The following ANOS1 variants were observed in gnomAD, a reference collection of about 807,000 sequenced individuals.
The protein encoded by ANOS1 is anosmin-1.
Under a neutral mutation model 59.0 loss-of-function variants are expected in ANOS1, and 6 were observed. The observed-to-expected ratio is 0.10, with a 90% CI of 0.06 to 0.20. ANOS1 has a LOEUF of 0.20. Among genes scored for constraint, ANOS1 ranks in the 10% least tolerant of loss-of-function variants. The probability of loss-of-function intolerance (pLI) is 1.00; values close to 1 mark genes in which losing one functional copy is unlikely to be tolerated. For missense variants in ANOS1, 433 were observed against 542.3 expected, an observed-to-expected ratio of 0.80 and a Z score of 2.00; for synonymous variants, 217 against 223.4, an observed-to-expected ratio of 0.97 and a Z score of 0.25.
intron 1 of ANOS1, among the ~76,000 whole-genome samples, chrX:8,707,094 T>C: frequency 9.0e-6 from 1 of 111,383 alleles, no homozygotes; most frequent in Non-Finnish European, 1.9e-5. Flanking sequence ...AGTGGACAAG[T>C]GCAAATTATG....
intron 2 of ANOS1, among the ~76,000 whole-genome samples, chrX:8,631,729 G>A (rs1218125497): frequency 9.0e-6 from 1 of 111,599 alleles, no homozygotes; most frequent in Non-Finnish European, 1.9e-5. Flanking sequence ...AGAGACTGTT[G>A]TAGGGGTTAC....
At chrX:8,541,419 C>A (rs190991914) in intron 9 of ANOS1, among the ~76,000 whole-genome samples, 5,010 of 77,576 alleles carry the variant, frequency 0.065, 312 homozygotes, top group African/African-American at 0.2. Context: ...ACCCCCCCCC[C>A]AAAAACAAAA....
At chrX:8,707,562 T>C (rs1442494267) in intron 1 of ANOS1, among the ~76,000 whole-genome samples, 3 of 111,904 alleles carry the variant, frequency 2.7e-5, no homozygotes, top group Non-Finnish European at 3.8e-5. Flanking sequence ...AAAGAAAATA[T>C]ATAGAACAGC....
intron 10 of ANOS1, 143 bp from the exon 11 acceptor site, chrX:8,537,085 A>G (rs1929608202): frequency 1.9e-6 from 1 of 515,027 alleles, no homozygotes; most frequent in African/African-American, 2.3e-5. Context: ...AAAAGTACAA[A>G]GCACATACTG....
Position 8,639,133 on chromosome X carries a change from T to C in ANOS1, c.256-15463A>G, listed in dbSNP as rs2404559. On this transcript the variant is annotated intron_variant, in intron 2 of 13. Transcript: ENST00000262648. ...AATTCTAATGCACCTGAAAATAACT[T>C]ATATAAGAACATCATTTTTATAACA... is the stretch of plus-strand genomic sequence containing the variant. Among the ~76,000 whole-genome samples the C allele has an allele frequency of 2.8e-3, 312 of 111,416 alleles. 1 individual carries two copies. The highest frequency in any genetic ancestry group is 9.6e-3 in the African/African-American group (295 of 30,744).
intron 1 of ANOS1, among the ~76,000 whole-genome samples, chrX:8,704,021 C>T (rs1368948589): frequency 9.1e-5 from 10 of 109,991 alleles, no homozygotes; most frequent in Admixed American, 1.9e-4. Flanking sequence ...ATCATGGGGG[C>T]GGGTTTTTCC....
At chrX:8,725,681 G>GAT (rs761973508) in intron 1 of ANOS1, among the ~76,000 whole-genome samples, 2 of 62,166 alleles carry the variant, frequency 3.2e-5, no homozygotes, top group East Asian at 8.8e-4. Context: ...TATATATACA[G>GAT]ATATATATAT....
At chrX:8,535,208 C>G (rs1309321842) in intron 12 of ANOS1, 2 of 147,345 alleles carry the variant, frequency 1.4e-5, no homozygotes, top group Non-Finnish European at 2.6e-5. Context: ...GACGGACAAA[C>G]AACAAGCTTC....
In ANOS1 at chrX:8,531,694, T is replaced by C. The variant is rs945170106; in HGVS notation, c.*1301A>G. On this transcript the variant is annotated 3_prime_UTR_variant, in exon 14 of 14. Coordinates refer to ENST00000262648, the MANE Select transcript of ANOS1 (RefSeq NM_000216.4). Reference sequence around the variant, plus strand: ...GTATATGCATGTGTCTGTGTGTATATACATGTATATGTACATATATTTGCA... The same window carrying C: ...GTATATGCATGTGTCTGTGTGTATACACATGTATATGTACATATATTTGCA... 3.6e-5 allele frequency: 4 copies of C among 111,747 alleles called. No individual in the cohort carries two copies. The highest frequency in any genetic ancestry group is 1.3e-4 in the African/African-American group (4 of 30,793). The allele number at this position is 111,747 out of a possible 1,213,427, so 9.2% of individuals were successfully genotyped here. A position where few individuals can be genotyped will look rare whatever the true frequency, so the allele number is the denominator to read the frequency against.
At chrX:8,569,992 C>T (rs1307797747) in intron 7 of ANOS1, among the ~76,000 whole-genome samples, 1 of 110,994 alleles carries the variant, frequency 9.0e-6, no homozygotes, top group Non-Finnish European at 1.9e-5. Flanking sequence ...TAAACCACTC[C>T]AGATCCTTTT....
intron 2 of ANOS1, among the ~76,000 whole-genome samples, chrX:8,667,890 G>A (rs1318389911): frequency 9.0e-6 from 1 of 111,187 alleles, no homozygotes; most frequent in African/African-American, 3.3e-5. Flanking sequence ...CAGATGGACT[G>A]GATTAGAATC....
rs188921393 is a variant in ANOS1 at position 8,686,104 on chromosome X, A to G, written c.255+13594T>C. Among the ~76,000 whole-genome samples, 3 of 112,159 alleles carry G rather than the reference A, an allele frequency of 2.7e-5. No individual in the cohort carries two copies. The East Asian group carries it at 8.4e-4, about 31-fold the overall frequency. ...ATTACCTAATTTACAAGAGGCTCCC[A>G]TTGCTCTTTTCCAGTAAATCTTTTC... On this transcript the variant is annotated intron_variant, in intron 2 of 13. Coordinates refer to ENST00000262648, the MANE Select transcript of ANOS1 (RefSeq NM_000216.4).
intron 2 of ANOS1, among the ~76,000 whole-genome samples, chrX:8,648,025 T>C (rs1931788572): frequency 8.9e-6 from 1 of 112,362 alleles, no homozygotes; most frequent in Non-Finnish European, 1.9e-5. Context: ...TTATAAACTG[T>C]ATAAATGTTA....
At chrX:8,600,345 C>CT (rs778697080) in intron 3 of ANOS1, among the ~76,000 whole-genome samples, 3 of 112,086 alleles carry the variant, frequency 2.7e-5, no homozygotes, top group African/African-American at 9.7e-5. Context: ...AATGCCTGTT[C>CT]TTTTCTTAAT....
intron 3 of ANOS1, among the ~76,000 whole-genome samples, chrX:8,604,059 GTTA>G (rs1930894193): frequency 9.0e-6 from 1 of 111,553 alleles, no homozygotes. Flanking sequence ...CCCCACAACT[GTTA>G]TTATTTCCAT....
chrX:8,581,519 C>A (rs755363796), intron 6 of ANOS1, among the ~76,000 whole-genome samples: 6 of 111,913 alleles, frequency 5.4e-5, no homozygotes, highest in Non-Finnish European at 9.4e-5. Context: ...TTCTTGCAGT[C>A]TTACAAACCA....
At position 8,570,719 on chromosome X, in the gene ANOS1, C is replaced by G. The variant is rs1930217191; in HGVS notation, c.857-15G>C. On this transcript the variant is annotated splice_polypyrimidine_tract_variant and intron_variant, in intron 6 of 13. Coordinates refer to ENST00000262648, the MANE Select transcript of ANOS1 (RefSeq NM_000216.4). ...GGCAGATGGATCTGAAATCCCAGTA[C>G]AAAGACACATCATATGACTCCACAA... The G allele has an allele frequency of 8.4e-7, 1 of 1,193,399 alleles. No homozygotes were observed.
intron 1 of ANOS1, among the ~76,000 whole-genome samples, chrX:8,719,739 G>A (rs1932862563): frequency 9.0e-6 from 1 of 110,789 alleles, no homozygotes; most frequent in Admixed American, 9.6e-5. Flanking sequence ...AAGAATCAGG[G>A]TAATGTGAAA....
chrX:8,728,963 G>A (rs186378285), intron 1 of ANOS1, among the ~76,000 whole-genome samples: 2 of 112,042 alleles, frequency 1.8e-5, no homozygotes, highest in Non-Finnish European at 3.8e-5. Context: ...CTGCTTTTCT[G>A]TCTTGTTGCT....
Sources: gnomAD v4.1 joint callset for allele counts (sites outside exome capture counted in the v4.1 genomes callset) on GRCh38, gnomAD v4.1.1 for gene constraint, MANE v1.5 for transcripts, NCBI Gene and HGNC (gene_info 2026-07-23, HGNC 2026-07-21) for gene names.